The following FSCN2 variants were observed in gnomAD, a reference collection of about 807,000 sequenced individuals.
The protein encoded by FSCN2 is fascin-2.
In FSCN2, 46 loss-of-function variants were observed where a neutral mutation model predicts 37.8. The ratio of observed to expected loss-of-function variants is 1.22; its 90% CI spans 0.96 to 1.56. The LOEUF (loss-of-function observed/expected upper bound fraction) is 1.56, where lower values mean the gene tolerates loss of function less well. Among genes scored for constraint, FSCN2 ranks in the 40% most tolerant of loss-of-function variants. The pLI is 0.00. For synonymous variants in FSCN2, 351 were observed against 309.4 expected, an observed-to-expected ratio of 1.13 and a Z score of -1.41; for missense variants, 844 against 730.4, an observed-to-expected ratio of 1.16 and a Z score of -1.79.
chr17:81,530,507 G>A (rs1598571860), intron 1 of FSCN2: 2 of 442,934 alleles, frequency 4.5e-6, no homozygotes, highest in Non-Finnish European at 4.4e-6. Context: ...ATGCACCCCA[G>A]AGTGGCTCGG....
At chr17:81,522,203 C>T in the FSCN2 span, among the ~76,000 whole-genome samples, 3 of 152,166 alleles carry the variant, frequency 2.0e-5, no homozygotes, top group African/African-American at 7.2e-5. Flanking sequence ...AATGCAGTTT[C>T]ACCATGTTGG....
rs1420322632 is a variant in FSCN2 at position 81,537,044 on chromosome 17, C to T, written c.1443C>T (p.Ala481=). 1.0e-5 allele frequency: 15 copies of T among 1,475,212 alleles called. No individual in the cohort carries two copies. The highest frequency in any genetic ancestry group is 1.5e-5 in the African/African-American group (1 of 67,928). 91.4% of individuals were successfully genotyped at this position (1,475,212 alleles called of 1,614,324 possible). Residue 481 remains alanine (A), a synonymous_variant, in exon 5 of 5, where the codon GCC becomes GCT. Coordinates refer to ENST00000417245, the MANE Select transcript of FSCN2 (RefSeq NM_012418.4). ...GGASGLLRAD[A]DAPAGTALWE... ...CCTCGGGCCTGCTGCGGGCCGATGC[C>T]GACGCCCCGGCCGGGACCGCGCTTT...
chr17:81,529,358 G>A lies in FSCN2; in HGVS notation c.826+1G>A, dbSNP rs1555670848. The A allele has an allele frequency of 2.0e-6, 3 of 1,537,468 alleles. No individual in the cohort carries two copies. The highest frequency in any genetic ancestry group is 8.8e-7 in the Non-Finnish European group (1 of 1,140,516). Reference sequence around the variant, plus strand: ...CACCGCTACGTCTCTGTGCGGCAAGGTAGGGAGGGCACAGGTGGCGACCTC... The same window carrying A: ...CACCGCTACGTCTCTGTGCGGCAAGATAGGGAGGGCACAGGTGGCGACCTC... On this transcript the variant is annotated splice_donor_variant, in intron 1 of 4. Coordinates refer to ENST00000417245, the MANE Select transcript of FSCN2 (RefSeq NM_012418.4). LOFTEE classifies it high-confidence loss of function.
In FSCN2 at chr17:81,536,687, G is replaced by T; in HGVS notation, c.1171G>T (p.Gly391Cys). 6.2e-7 allele frequency: 1 copy of T among 1,610,928 alleles called. No homozygotes were observed. Among genetic ancestry groups the T allele is most frequent in the Non-Finnish European group, 8.5e-7 (1 of 1,179,494 alleles). The change falls in exon 4 of 5, where the codon GGC (glycine) becomes TGC (cysteine). Residue 391 changes from glycine to cysteine, a missense_variant. Transcript: ENST00000417245. ...CATCCTGGTGCTGCGCGGCCTGGAC[G>T]GCTTCGTCTGCCACCACCGCGGCTC... ...RPILVLRGLD[G>C]FVCHHRGSNQ...
chr17:81,535,327 GCCCCATCCCCATGACCACCAT>G lies in FSCN2; in HGVS notation c.983+127_983+147del. The G allele has an allele frequency of 2.7e-5, 13 of 480,004 alleles. No homozygotes were observed. In the South Asian group the frequency reaches 3.0e-4, roughly 11 times the overall value. 29.7% of individuals were successfully genotyped at this position (480,004 alleles called of 1,614,324 possible). On this transcript the variant is annotated intron_variant, in intron 2 of 4. Coordinates refer to ENST00000417245, the MANE Select transcript of FSCN2 (RefSeq NM_012418.4). ...ATCCCCACCACCCCCACCCCCACCA[GCCCCATCCCCATGACCACCAT>G]CCCCATCTCCACCATCTCCATCACC...
the FSCN2 span, among the ~76,000 whole-genome samples, chr17:81,517,745 C>T: frequency 1.3e-4 from 20 of 148,944 alleles, no homozygotes; most frequent in South Asian, 8.7e-4. Context: ...GGACCCCACC[C>T]CAGGAGCTCC....
chr17:81,524,919 A>ACACACCCACC (rs10677990), upstream of FSCN2, among the ~76,000 whole-genome samples: 1 of 142,468 alleles, frequency 7.0e-6, no homozygotes, highest in Non-Finnish European at 1.5e-5. Flanking sequence ...ACACACACAC[A>ACACACCCACC]CCACACTCAC....
chr17:81,525,425 C>CAAAAAAAAAAAAAAAAAAAAAAAAAAA (rs1202765459), upstream of FSCN2, among the ~76,000 whole-genome samples: 2 of 47,854 alleles, frequency 4.2e-5, no homozygotes, highest in Non-Finnish European at 4.2e-5. Context: ...GACTCTGTCT[C>CAAAAAAAAAAAAAAAAAAAAAAAAAAA]AAAAAAAAAA....
chr17:81,522,024 G>T, the FSCN2 span, among the ~76,000 whole-genome samples: 1 of 151,844 alleles, frequency 6.6e-6, no homozygotes, highest in African/African-American at 2.4e-5. Flanking sequence ...TTTTGAAACG[G>T]AGTCTCACTC....
At chr17:81,536,552 C>G (rs770639924) in intron 3 of FSCN2, 70 bp from the exon 4 acceptor site, 1 of 1,584,210 alleles carries the variant, frequency 6.3e-7, no homozygotes, top group Non-Finnish European at 8.5e-7. Flanking sequence ...TTTCCCAGGG[C>G]CCCCACCCCG....
chr17:81,536,047 CTTCTG>C, intron 2 of FSCN2, 94 bp from the exon 3 acceptor site: 1 of 1,451,474 alleles, frequency 6.9e-7, no homozygotes, highest in African/African-American at 1.4e-5. Context: ...GGAGGGCAGG[CTTCTG>C]TCCCACTCCT....
intron 1 of FSCN2, among the ~76,000 whole-genome samples, chr17:81,532,648 TGGTGATGGTGATGATGGA>T (rs1271790980): frequency 2.8e-4 from 36 of 130,080 alleles, no homozygotes; most frequent in African/African-American, 1.3e-3. Context: ...GTGATGATGG[TGGTGATGGTGATGATGGA>T]GGCAATGGTG....
upstream of FSCN2, chr17:81,523,544 T>A (rs2032265704): frequency 6.6e-6 from 1 of 152,410 alleles, no homozygotes; most frequent in Non-Finnish European, 1.5e-5. Flanking sequence ...CAAGGCCCGG[T>A]GTGCCCAGCA....
At chr17:81,531,816 GTGGTGA>G (rs1387329215) in intron 1 of FSCN2, among the ~76,000 whole-genome samples, 4 of 98,294 alleles carry the variant, frequency 4.1e-5, no homozygotes, top group South Asian at 3.9e-4. Context: ...GATGATGGTG[GTGGTGA>G]TGGTGGTGGT....
chr17:81,526,775 A>G (rs1414542221), upstream of FSCN2, among the ~76,000 whole-genome samples: 1 of 152,200 alleles, frequency 6.6e-6, no homozygotes, highest in African/African-American at 2.4e-5. Context: ...GTGTGTGGGC[A>G]TCGTCTCTGG....
chr17:81,528,709 C>T lies in FSCN2; in HGVS notation c.178C>T (p.Leu60Phe), dbSNP rs2032434140. 3.8e-6 allele frequency: 6 copies of T among 1,599,316 alleles called. No homozygotes were observed. The African/African-American group carries it at 4.0e-5, about 11-fold the overall frequency. ...PDPGQGTAVL[L>F]RSSHLGRYLS... ...CCCAGGACAAGGCACGGCTGTGCTG[C>T]TCCGCAGCAGCCACCTGGGCCGCTA... The change falls in exon 1 of 5, where the codon CTC becomes TTC. Residue 60 changes from leucine to phenylalanine, a missense_variant. Physicochemically the swap from Leu to Phe is conservative, Grantham distance 22 (BLOSUM62 0). Transcript: ENST00000417245.
intron 3 of FSCN2, 50 bp downstream of exon 3, chr17:81,536,317 G>C (rs373276482): frequency 1.3e-6 from 2 of 1,562,704 alleles, no homozygotes; most frequent in African/African-American, 2.7e-5. Context: ...CTCCACCCAG[G>C]GAAAGGACCT....
intron 1 of FSCN2, among the ~76,000 whole-genome samples, chr17:81,531,424 TGATGATGGA>T (rs1265832644): frequency 1.3e-3 from 177 of 138,288 alleles, no homozygotes; most frequent in African/African-American, 4.3e-3. Flanking sequence ...GTGGTGATAG[TGATGATGGA>T]GATGGTGGTG....
At chr17:81,526,679 C>T (rs7221190), upstream of FSCN2, among the ~76,000 whole-genome samples, 57,620 of 152,044 alleles carry the variant, frequency 0.38, 11,319 homozygotes, top group African/African-American at 0.42. Context: ...CAGGCAGCAC[C>T]CTAGCTTGTA....
Sources: allele counts gnomAD v4.1 joint callset (sites outside exome capture counted in the v4.1 genomes callset), GRCh38; gene constraint gnomAD v4.1.1; transcripts MANE v1.5; gene names NCBI Gene and HGNC (gene_info 2026-07-23, HGNC 2026-07-21).